TDRD7: variants seen among roughly 807,000 people sequenced by gnomAD.
TDRD7 encodes tudor domain-containing protein 7.
TDRD7 carries 47 observed loss-of-function variants against 109.8 expected under a neutral mutation model. The ratio of observed to expected loss-of-function variants is 0.43; its 90% CI spans 0.34 to 0.55. TDRD7 has a LOEUF of 0.55. Among genes scored for constraint, TDRD7 ranks in the 20% least tolerant of loss-of-function variants. The pLI is 0.03. For synonymous variants in TDRD7, 424 were observed against 457.3 expected, an observed-to-expected ratio of 0.93 and a Z score of 0.93; for missense variants, 1,164 against 1,319.2, an observed-to-expected ratio of 0.88 and a Z score of 1.82.
rs74998795 is a variant in TDRD7 at position 97,419,013 on chromosome 9, G to A, written c.-7+6775G>A. ...CTGGCAGGGGAATATAAAGTAGTCT[G>A]GCCAGGGAGGAGTCAGATATATTGA... On this transcript the variant is annotated intron_variant, in intron 1 of 16. Transcript: ENST00000355295. 9.9e-3 allele frequency among the ~76,000 whole-genome samples: 1,508 copies of A among 152,288 alleles called. 22 individuals carry two copies. Among genetic ancestry groups the A allele is most frequent in the Non-Finnish European group, 0.015 (1,014 of 68,020 alleles).
chr9:97,433,809 A>C (rs1379745990), intron 4 of TDRD7, among the ~76,000 whole-genome samples: 3 of 152,212 alleles, frequency 2.0e-5, no homozygotes, highest in Non-Finnish European at 4.4e-5. Flanking sequence ...CCACAATGAG[A>C]TACCACTTCC....
At chr9:97,460,153 C>T in intron 6 of TDRD7, 25 bp from the exon 7 acceptor site, 1 of 1,595,666 alleles carries the variant, frequency 6.3e-7, no homozygotes, top group South Asian at 1.1e-5. Context: ...AAATATCTGT[C>T]ATTTGCTTTA....
At chr9:97,415,721 A>C (rs2118191821) in intron 1 of TDRD7, among the ~76,000 whole-genome samples, 1 of 152,352 alleles carries the variant, frequency 6.6e-6, no homozygotes, top group Admixed American at 6.5e-5. Context: ...TGAACCCGGC[A>C]GGCGGAGGTT....
chr9:97,424,210 C>T (rs1443060898), intron 1 of TDRD7, among the ~76,000 whole-genome samples: 1 of 151,682 alleles, frequency 6.6e-6, no homozygotes, highest in South Asian at 2.1e-4. Context: ...CGAACCACCA[C>T]GTCCGACTGA....
At chr9:97,469,288 A>G (rs1587884540) in intron 8 of TDRD7, among the ~76,000 whole-genome samples, 1 of 152,300 alleles carries the variant, frequency 6.6e-6, no homozygotes, top group East Asian at 1.9e-4. Flanking sequence ...GTGCACTTAA[A>G]TGGCCAGCTG....
chr9:97,467,046 G>A (rs1426637575), intron 8 of TDRD7, among the ~76,000 whole-genome samples: 2 of 152,182 alleles, frequency 1.3e-5, no homozygotes, highest in Non-Finnish European at 2.9e-5. Flanking sequence ...GAGTCTGCCT[G>A]TATTTGGGTG....
At chr9:97,420,862 G>A (rs547143611) in intron 1 of TDRD7, among the ~76,000 whole-genome samples, 1 of 152,236 alleles carries the variant, frequency 6.6e-6, no homozygotes, top group East Asian at 1.9e-4. Context: ...GGCCGGGGCA[G>A]TGGCTTATGT....
intron 14 of TDRD7, among the ~76,000 whole-genome samples, chr9:97,481,469 C>T (rs2131175656): frequency 6.6e-6 from 1 of 152,246 alleles, no homozygotes; most frequent in Non-Finnish European, 1.5e-5. Context: ...AAAAACATTG[C>T]TCATATATCC....
intron 4 of TDRD7, 66 bp downstream of exon 4, chr9:97,432,304 C>A: frequency 1.4e-6 from 2 of 1,397,516 alleles, no homozygotes; most frequent in Non-Finnish European, 2.0e-6. Flanking sequence ...AATGTATGTT[C>A]AGGTTAAGAA....
chr9:97,465,687 G>T (rs1040770361), intron 8 of TDRD7, among the ~76,000 whole-genome samples: 3 of 152,104 alleles, frequency 2.0e-5, no homozygotes, highest in Non-Finnish European at 4.4e-5. Flanking sequence ...TATTAGCTCC[G>T]TGTGCTGTGT....
At chr9:97,492,221 G>A (rs1317774766) in intron 16 of TDRD7, among the ~76,000 whole-genome samples, 1 of 152,282 alleles carries the variant, frequency 6.6e-6, no homozygotes, top group Admixed American at 6.5e-5. Context: ...CAACTTCTAA[G>A]CTCTTTACAT....
At chr9:97,491,849 A>C (rs954844451) in intron 16 of TDRD7, among the ~76,000 whole-genome samples, 1 of 152,240 alleles carries the variant, frequency 6.6e-6, no homozygotes, top group South Asian at 2.1e-4. Flanking sequence ...AACTGGAAGC[A>C]TGAGGAGATT....
At position 97,490,093 on chromosome 9, in the gene TDRD7, CCTAT is replaced by C. The variant is rs748910567; in HGVS notation, c.3076+2765_3076+2768del. 1.2e-4 allele frequency among the ~76,000 whole-genome samples: 19 copies of C among 152,176 alleles called. No individual in the cohort carries two copies. In the South Asian group the frequency reaches 1.5e-3, roughly 12 times the overall value. ...ATTGTTGCTATTATTTTGAACAAACCCTATCTAATAGATGAATTAAGAAAAAGAA... is the reference window on the plus strand; with the variant it reads ...ATTGTTGCTATTATTTTGAACAAACCCTAATAGATGAATTAAGAAAAAGAA... On this transcript the variant is annotated intron_variant, in intron 16 of 16. Coordinates refer to ENST00000355295, the MANE Select transcript of TDRD7 (RefSeq NM_014290.3).
chr9:97,482,807 G>A (rs751765329), intron 14 of TDRD7, 42 bp from the exon 15 acceptor site: 6 of 1,606,608 alleles, frequency 3.7e-6, no homozygotes, highest in Non-Finnish European at 5.1e-6. Flanking sequence ...AAAATTTAAT[G>A]TGAACTTGTA....
In TDRD7 at chr9:97,428,541, C is replaced by T. The variant is rs1490746215; in HGVS notation, c.76C>T (p.Arg26Trp). Residue 26 changes from arginine (R) to tryptophan (W), a missense_variant, in exon 2 of 17, where the codon CGG becomes TGG. Physicochemically the swap from Arg to Trp is moderately radical, Grantham distance 101. This residue lies in a region of TDRD7 where 101 missense variants were observed against 148.5 expected (regional missense o/e 0.68). Transcript: ENST00000355295. ...QSHKNGVALP[R>W]LQGEYRSLTG... Reference sequence around the variant, plus strand: ...TCATAAGAATGGAGTAGCATTACCCCGGCTCCAAGGAGAGTACAGATCCTT... The same window carrying T: ...TCATAAGAATGGAGTAGCATTACCCTGGCTCCAAGGAGAGTACAGATCCTT... 3.7e-6 allele frequency: 6 copies of T among 1,614,010 alleles called. No individual in the cohort carries two copies. Among genetic ancestry groups the T allele is most frequent in the Non-Finnish European group, 8.5e-7 (1 of 1,179,942 alleles).
intron 15 of TDRD7, among the ~76,000 whole-genome samples, chr9:97,485,537 C>G (rs1440924747): frequency 2.6e-5 from 4 of 152,184 alleles, no homozygotes; most frequent in African/African-American, 9.7e-5. Context: ...TTGGTGGAAA[C>G]CAAGTGTTTT....
chr9:97,494,709 TA>T (rs1021237805), intron 16 of TDRD7, among the ~76,000 whole-genome samples: 2,852 of 95,104 alleles, frequency 0.03, 29 homozygotes, highest in Middle Eastern at 0.039. Flanking sequence ...TATATATATA[TA>T]TATTTTTTTT....
chr9:97,452,820 A>G (rs1828522895), intron 6 of TDRD7, among the ~76,000 whole-genome samples: 1 of 152,246 alleles, frequency 6.6e-6, no homozygotes, highest in Non-Finnish European at 1.5e-5. Context: ...ACTCAAGTGG[A>G]CATAACGTCC....
At chr9:97,424,309 G>T (rs1776088757) in intron 1 of TDRD7, among the ~76,000 whole-genome samples, 1 of 151,978 alleles carries the variant, frequency 6.6e-6, no homozygotes. Context: ...GCCCACCTCG[G>T]CCTCCCAAAG....
Sources: allele counts gnomAD v4.1 joint callset (sites outside exome capture counted in the v4.1 genomes callset), GRCh38; gene constraint gnomAD v4.1.1; regional missense constraint gnomAD v4.1.1; transcripts MANE v1.5; gene names NCBI Gene and HGNC (gene_info 2026-07-23, HGNC 2026-07-21).